CEP112: variants seen among roughly 807,000 people sequenced by gnomAD.
CEP112 encodes the protein centrosomal protein of 112 kDa.
Under a neutral mutation model 153.0 loss-of-function variants are expected in CEP112, and 127 were observed. That is an observed-to-expected ratio of 0.83 (90% CI 0.72 to 0.96). The LOEUF (loss-of-function observed/expected upper bound fraction) is 0.96, where lower values mean the gene tolerates loss of function less well. CEP112 is among the 40% of genes least tolerant of loss of function. The pLI is 0.00. For synonymous variants in CEP112, 358 were observed against 374.4 expected, an observed-to-expected ratio of 0.96 and a Z score of 0.51; for missense variants, 1,089 against 1,101.2, an observed-to-expected ratio of 0.99 and a Z score of 0.16.
intron 20 of CEP112, among the ~76,000 whole-genome samples, chr17:65,865,579 C>T (rs866920908): frequency 2.6e-5 from 4 of 152,172 alleles, no homozygotes; most frequent in Non-Finnish European, 4.4e-5. Context: ...GCCTCTGCCA[C>T]GGCCTCAACC....
Position 66,140,161 on chromosome 17 carries a change from A to C in CEP112, c.471-7398T>G, listed in dbSNP as rs974164198. Among the ~76,000 whole-genome samples, 12 of 152,336 alleles carry C rather than the reference A, an allele frequency of 7.9e-5. No homozygotes were observed. In the East Asian group the frequency reaches 2.3e-3, roughly 29 times the overall value. ...TAAATGCGATACCCCACATTAACAG[A>C]ATGAAGAATAGAGATTATATGATCA... On this transcript the variant is annotated intron_variant, in intron 4 of 26. Transcript: ENST00000535342.
At chr17:65,659,479 C>T (rs751188005) in intron 24 of CEP112, among the ~76,000 whole-genome samples, 7 of 152,184 alleles carry the variant, frequency 4.6e-5, no homozygotes, top group African/African-American at 1.7e-4. Flanking sequence ...CAAAGGCAGC[C>T]GTTGTCCCAC....
At chr17:65,981,215 TA>T (rs1352555305) in intron 17 of CEP112, among the ~76,000 whole-genome samples, 3 of 152,202 alleles carry the variant, frequency 2.0e-5, no homozygotes, top group Non-Finnish European at 4.4e-5. Flanking sequence ...TATGGAAGAA[TA>T]AATCTATAGG....
chr17:65,738,660 A>G (rs11867165), intron 23 of CEP112, among the ~76,000 whole-genome samples: 30,786 of 152,128 alleles, frequency 0.2, 3,538 homozygotes, highest in South Asian at 0.33. Context: ...ATTATTTATA[A>G]ATGAGCATAT....
At chr17:66,003,382 G>C (rs1024467322) in intron 17 of CEP112, among the ~76,000 whole-genome samples, 3 of 152,092 alleles carry the variant, frequency 2.0e-5, no homozygotes, top group African/African-American at 7.2e-5. Context: ...ACCACTAAAA[G>C]ATACTATATT....
intron 20 of CEP112, among the ~76,000 whole-genome samples, chr17:65,860,504 C>T (rs1433850654): frequency 1.3e-5 from 2 of 152,060 alleles, no homozygotes; most frequent in African/African-American, 4.8e-5. Flanking sequence ...TTGGGTCTAA[C>T]ATAATGTTAT....
Position 66,048,434 on chromosome 17 carries a change from T to A in CEP112, c.1218+5302A>T, listed in dbSNP as rs1040318150. Among the ~76,000 whole-genome samples, 29 of 152,116 alleles carry A rather than the reference T, an allele frequency of 1.9e-4. 1 individual carries two copies. The highest frequency in any genetic ancestry group is 6.8e-4 in the African/African-American group (28 of 41,430). Reference sequence around the variant, plus strand: ...AGCTGGGAAAAAAAAGTTATCCACATAGAAAAAAACAAAATTAAATCTCTT... The same window carrying A: ...AGCTGGGAAAAAAAAGTTATCCACAAAGAAAAAAACAAAATTAAATCTCTT... On this transcript the variant is annotated intron_variant, in intron 12 of 26. Transcript: ENST00000535342.
At chr17:66,145,980 AAATAT>A (rs1165701898) in intron 4 of CEP112, among the ~76,000 whole-genome samples, 1 of 152,036 alleles carries the variant, frequency 6.6e-6, no homozygotes, top group Non-Finnish European at 1.5e-5. Flanking sequence ...AAATTATTCA[AAATAT>A]AATATTATTT....
At chr17:66,035,904 A>G (rs559145300) in intron 12 of CEP112, among the ~76,000 whole-genome samples, 1 of 152,234 alleles carries the variant, frequency 6.6e-6, no homozygotes, top group Non-Finnish European at 1.5e-5. Flanking sequence ...GAGCTCCCGA[A>G]GTGTGATGGG....
At chr17:66,036,583 C>A (rs893113353) in intron 12 of CEP112, among the ~76,000 whole-genome samples, 1 of 152,058 alleles carries the variant, frequency 6.6e-6, no homozygotes, top group Admixed American at 6.6e-5. Context: ...TTCTCTTTCC[C>A]GCAAAACTAT....
intron 21 of CEP112, among the ~76,000 whole-genome samples, chr17:65,838,299 C>T (rs564158335): frequency 1.7e-4 from 26 of 152,088 alleles, no homozygotes; most frequent in African/African-American, 6.3e-4. Flanking sequence ...AAAATCATAT[C>T]GTCTTTTCTG....
In CEP112 at chr17:65,992,898, C is replaced by T. The variant is rs116235415; in HGVS notation, c.1736+12792G>A. ...TCAAGCTCCTGGGTAAACTGGAAGG[C>T]TTAATTCTTCCCACATATGTGTATT... On this transcript the variant is annotated intron_variant, in intron 17 of 26. Transcript: ENST00000535342. Among the ~76,000 whole-genome samples the T allele has an allele frequency of 7.5e-3, 1,139 of 151,692 alleles. 14 individuals carry two copies. The highest frequency in any genetic ancestry group is 0.026 in the African/African-American group (1,076 of 41,202).
chr17:66,053,328 CCT>C (rs537659227), intron 12 of CEP112, among the ~76,000 whole-genome samples: 321 of 151,886 alleles, frequency 2.1e-3, no homozygotes, highest in Non-Finnish European at 3.8e-3. Flanking sequence ...GGTGAAACCC[CCT>C]GTCTACTAAA....
At chr17:65,944,180 G>A (rs1024809449) in intron 18 of CEP112, among the ~76,000 whole-genome samples, 1 of 152,186 alleles carries the variant, frequency 6.6e-6, no homozygotes, top group Admixed American at 6.5e-5. Flanking sequence ...GACACAGGGA[G>A]GGGAGAGCAT....
chr17:66,015,847 G>C (rs2064748144), intron 16 of CEP112, among the ~76,000 whole-genome samples: 1 of 152,012 alleles, frequency 6.6e-6, no homozygotes, highest in Non-Finnish European at 1.5e-5. Flanking sequence ...TTTATTCTGA[G>C]CCTTCCTTCA....
chr17:66,063,228 T>C, intron 10 of CEP112, 147 bp from the exon 11 acceptor site: 1 of 439,510 alleles, frequency 2.3e-6, no homozygotes. Flanking sequence ...TATTCCTTGC[T>C]CTTTTTCTCG....
intron 18 of CEP112, among the ~76,000 whole-genome samples, chr17:65,958,845 G>A (rs973759799): frequency 6.6e-6 from 1 of 152,132 alleles, no homozygotes; most frequent in African/African-American, 2.4e-5. Flanking sequence ...GTGGGAACTC[G>A]TGGTGCCTTT....
intron 24 of CEP112, among the ~76,000 whole-genome samples, chr17:65,651,694 C>T (rs1349933857): frequency 1.3e-5 from 2 of 149,086 alleles, no homozygotes; most frequent in African/African-American, 5.0e-5. Flanking sequence ...TCTTTCCTTC[C>T]TTCCTTCCTT....
At chr17:66,058,543 A>C (rs1396819402) in intron 11 of CEP112, among the ~76,000 whole-genome samples, 2 of 152,106 alleles carry the variant, frequency 1.3e-5, no homozygotes, top group Admixed American at 1.3e-4. Flanking sequence ...TGAATAGTTA[A>C]AGCAATCCTA....
Sources: gnomAD v4.1 joint callset for allele counts (sites outside exome capture counted in the v4.1 genomes callset) on GRCh38, gnomAD v4.1.1 for gene constraint, MANE v1.5 for transcripts, NCBI Gene and HGNC (gene_info 2026-07-23, HGNC 2026-07-21) for gene names.